PHEX: variants seen among roughly 807,000 people sequenced by gnomAD.
PHEX encodes phosphate regulating endopeptidase X-linked.
In PHEX, 16 loss-of-function variants were observed where a neutral mutation model predicts 68.0. That is an observed-to-expected ratio of 0.24 (90% CI 0.16 to 0.36). The LOEUF is 0.36. Among genes scored for constraint, PHEX ranks in the 10% least tolerant of loss-of-function variants. PHEX has a pLI of 1.00. For missense variants in PHEX, 480 were observed against 575.5 expected (o/e 0.83, Z 1.70); for synonymous variants, 208 against 205.1 (o/e 1.01, Z -0.12).
At chrX:22,243,569 C>G (rs1457660816) in intron 20 of PHEX, among the ~76,000 whole-genome samples, 3 of 111,968 alleles carry the variant, frequency 2.7e-5, no homozygotes, top group Non-Finnish European at 5.6e-5. Flanking sequence ...CTACAAAGGA[C>G]TTACACAAAT....
chrX:22,173,297 T>A (rs773473864), intron 13 of PHEX, among the ~76,000 whole-genome samples: 13 of 110,659 alleles, frequency 1.2e-4, no homozygotes, highest in Non-Finnish European at 2.3e-4. Flanking sequence ...CTCTCTCACA[T>A]TGGCCTTCAT....
chrX:22,161,497 T>C (rs775588804), intron 12 of PHEX, among the ~76,000 whole-genome samples: 1 of 113,002 alleles, frequency 8.8e-6, no homozygotes, highest in Non-Finnish European at 1.9e-5. Flanking sequence ...TGATTGTATG[T>C]TAATCCTCTT....
At chrX:22,061,430 C>A (rs866974711) in intron 3 of PHEX, among the ~76,000 whole-genome samples, 1 of 111,383 alleles carries the variant, frequency 9.0e-6, no homozygotes, top group Non-Finnish European at 1.9e-5. Flanking sequence ...GTGACAAAAT[C>A]CCCATTTCTC....
chrX:22,131,858 G>C (rs1026837258), intron 11 of PHEX, among the ~76,000 whole-genome samples: 1 of 111,107 alleles, frequency 9.0e-6, no homozygotes. Context: ...AGGAGAACTG[G>C]ATTTCGAGGG....
chrX:22,126,290 GTAT>G (rs1419632836), intron 11 of PHEX, among the ~76,000 whole-genome samples: 4 of 112,073 alleles, frequency 3.6e-5, no homozygotes, highest in Non-Finnish European at 7.5e-5. Flanking sequence ...ACACACCTAT[GTAT>G]TATTCTGATT....
intron 12 of PHEX, among the ~76,000 whole-genome samples, chrX:22,144,373 C>G (rs1476745582): frequency 1.8e-5 from 2 of 111,208 alleles, no homozygotes; most frequent in African/African-American, 6.5e-5. Flanking sequence ...AACTTTGCCT[C>G]TAATATTTAA....
chrX:22,119,812 G>T (rs1931408475), intron 11 of PHEX, among the ~76,000 whole-genome samples: 1 of 110,044 alleles, frequency 9.1e-6, no homozygotes, highest in African/African-American at 3.3e-5. Context: ...GGCCAAGCTG[G>T]TCTTGAACTC....
rs150112217 is a variant in PHEX, at chrX:22,247,938, C to G, written c.2235C>G (p.Ser745=). 8.4e-7 allele frequency: 1 copy of G among 1,195,844 alleles called. No individual in the cohort carries two copies. The highest frequency in any genetic ancestry group is 1.1e-6 in the Non-Finnish European group (1 of 882,152). Reference sequence around the variant, plus strand: ...CCACGATGAACAGAGGCATGGACTCCTGCCGACTCTGGTAGCTGGGACGCT... The same window carrying G: ...CCACGATGAACAGAGGCATGGACTCGTGCCGACTCTGGTAGCTGGGACGCT... ...PNSTMNRGMD[S]CRLW is the part of the protein sequence containing the mutation. The change falls in exon 22 of 22, where the codon TCC becomes TCG. Residue 745 remains serine, a synonymous_variant. Transcript: ENST00000379374.
At chrX:22,136,795 A>G (rs906830026) in intron 12 of PHEX, among the ~76,000 whole-genome samples, 3 of 111,891 alleles carry the variant, frequency 2.7e-5, no homozygotes, top group South Asian at 3.7e-4. Flanking sequence ...TAAAAGATAA[A>G]TGAGGATGCC....
intron 14 of PHEX, among the ~76,000 whole-genome samples, chrX:22,189,848 A>G (rs1342967024): frequency 8.9e-6 from 1 of 112,395 alleles, no homozygotes; most frequent in African/African-American, 3.2e-5. Flanking sequence ...CCTTAATTTT[A>G]TAGCTAAAAC....
At chrX:22,066,289 C>T (rs1003027206) in intron 3 of PHEX, among the ~76,000 whole-genome samples, 1 of 112,046 alleles carries the variant, frequency 8.9e-6, no homozygotes, top group Admixed American at 9.4e-5. Flanking sequence ...CAGGCCCCAT[C>T]ATGTTGATCT....
At chrX:22,200,561 A>G (rs1934516212) in intron 15 of PHEX, among the ~76,000 whole-genome samples, 1 of 111,330 alleles carries the variant, frequency 9.0e-6, no homozygotes, top group Non-Finnish European at 1.9e-5. Flanking sequence ...GTGAGCTGAG[A>G]TCGTGCCACT....
chrX:22,209,904 A>G (rs1167246122), intron 15 of PHEX, among the ~76,000 whole-genome samples: 1 of 108,549 alleles, frequency 9.2e-6, no homozygotes, highest in Non-Finnish European at 1.9e-5. Flanking sequence ...GGAACTTTAA[A>G]AGTGTGAAAC....
At chrX:22,084,544 T>C (rs1320867654) in intron 5 of PHEX, among the ~76,000 whole-genome samples, 1 of 94,324 alleles carries the variant, frequency 1.1e-5, no homozygotes, top group African/African-American at 5.0e-5. Flanking sequence ...CTTCAGTTTT[T>C]TTTTTTTTTT....
chrX:22,098,347 G>A (rs1208928310), intron 8 of PHEX, among the ~76,000 whole-genome samples: 1 of 108,346 alleles, frequency 9.2e-6, no homozygotes, highest in African/African-American at 3.4e-5. Context: ...GCAGAATGGG[G>A]AGAGAAAGAC....
intron 13 of PHEX, chrX:22,172,756 G>A (rs1021039574): frequency 9.0e-6 from 1 of 111,269 alleles, no homozygotes; most frequent in Non-Finnish European, 1.9e-5. Flanking sequence ...AGAGTGAAAG[G>A]GTAGGCATGT....
intron 3 of PHEX, among the ~76,000 whole-genome samples, chrX:22,066,633 A>G (rs1002520613): frequency 1.3e-4 from 15 of 111,570 alleles, no homozygotes; most frequent in Non-Finnish European, 2.6e-4. Flanking sequence ...GATTCTGGAT[A>G]GAGAAGGAAA....
At chrX:22,234,818 CAA>C (rs371302739) in intron 20 of PHEX, among the ~76,000 whole-genome samples, 1 of 87,481 alleles carries the variant, frequency 1.1e-5, no homozygotes. Context: ...AGTGGGGTAT[CAA>C]AAAAAAAAAA....
intron 16 of PHEX, among the ~76,000 whole-genome samples, chrX:22,218,648 C>A (rs113704255): frequency 0.012 from 1,322 of 111,562 alleles, 14 homozygotes; most frequent in African/African-American, 0.04. Flanking sequence ...ATAAAATATA[C>A]ATGATATATT....
Sources: allele counts gnomAD v4.1 joint callset (sites outside exome capture counted in the v4.1 genomes callset), GRCh38; gene constraint gnomAD v4.1.1; transcripts MANE v1.5; gene names NCBI Gene and HGNC (gene_info 2026-07-23, HGNC 2026-07-21).